ADAM22: variants seen among roughly 807,000 people sequenced by gnomAD.
ADAM22 encodes ADAM metallopeptidase domain 22.
A neutral mutation model predicts 144.6 loss-of-function variants in ADAM22; 65 were observed. The ratio of observed to expected loss-of-function variants is 0.45; its 90% CI spans 0.37 to 0.55. ADAM22 has a LOEUF of 0.55. ADAM22 is among the 20% of genes least tolerant of loss of function. ADAM22 has a pLI of 0.00. For synonymous variants in ADAM22, 391 were observed against 412.6 expected (o/e 0.95, Z 0.63); for missense variants, 974 against 1,184.9 (o/e 0.82, Z 2.61).
rs1375827577 is a variant in ADAM22, at chr7:88,156,009, A to G, written c.1907+3A>G. The G allele has an allele frequency of 6.2e-7, 1 of 1,612,678 alleles. No individual in the cohort carries two copies. Among genetic ancestry groups the G allele is most frequent in the African/African-American group, 1.3e-5 (1 of 74,978 alleles). Reference sequence around the variant, plus strand: ...CAAGGAAGAACATTAAACTGCAGGTAATTATCTAACCATTCTGTAAGAATC... The same window carrying G: ...CAAGGAAGAACATTAAACTGCAGGTGATTATCTAACCATTCTGTAAGAATC... On this transcript the variant is annotated splice_donor_region_variant and intron_variant, in intron 22 of 31. Coordinates refer to ENST00000413139, the MANE Select transcript of ADAM22 (RefSeq NM_001324418.2).
intron 3 of ADAM22, among the ~76,000 whole-genome samples, chr7:88,039,582 T>A (rs1802583520): frequency 6.8e-6 from 1 of 147,182 alleles, no homozygotes; most frequent in Admixed American, 6.9e-5. Flanking sequence ...AATATAATTA[T>A]GGTTGAAATG....
intron 2 of ADAM22, among the ~76,000 whole-genome samples, chr7:87,939,708 A>G (rs1199161102): frequency 6.6e-6 from 1 of 152,200 alleles, no homozygotes; most frequent in Non-Finnish European, 1.5e-5. Context: ...CTGCTTGAGT[A>G]CTATTTAGAT....
chr7:88,084,814 G>A (rs931763819), intron 4 of ADAM22, among the ~76,000 whole-genome samples: 3 of 152,182 alleles, frequency 2.0e-5, no homozygotes, highest in African/African-American at 7.2e-5. Flanking sequence ...CAGACTGGGT[G>A]GCTTAAACAA....
chr7:88,178,728 A>G (rs1213158689), intron 26 of ADAM22, among the ~76,000 whole-genome samples: 4 of 152,166 alleles, frequency 2.6e-5, no homozygotes, highest in Non-Finnish European at 4.4e-5. Context: ...TCCAAATGAT[A>G]AAAGACTTTT....
chr7:88,002,571 G>T (rs1374034731), intron 3 of ADAM22, among the ~76,000 whole-genome samples: 1 of 152,148 alleles, frequency 6.6e-6, no homozygotes, highest in East Asian at 1.9e-4. Flanking sequence ...ATGTTTAATG[G>T]CTTAAAAGGA....
intron 4 of ADAM22, among the ~76,000 whole-genome samples, chr7:88,090,309 G>C (rs1819522068): frequency 6.6e-6 from 1 of 152,186 alleles, no homozygotes; most frequent in Admixed American, 6.5e-5. Flanking sequence ...TGAGCATGCA[G>C]GTACCTCACA....
chr7:88,107,571 C>T (rs1824773404), intron 4 of ADAM22, among the ~76,000 whole-genome samples: 2 of 151,846 alleles, frequency 1.3e-5, no homozygotes, highest in South Asian at 4.2e-4. Flanking sequence ...TATGTATTTC[C>T]TTTCTTTTCT....
chr7:88,018,465 G>A lies in ADAM22; in HGVS notation c.323+40053G>A, dbSNP rs533622324. Among the ~76,000 whole-genome samples the A allele has an allele frequency of 4.6e-5, 7 of 152,192 alleles. No homozygotes were observed. In the South Asian group the frequency reaches 1.5e-3, roughly 32 times the overall value. On this transcript the variant is annotated intron_variant, in intron 3 of 31. Transcript: ENST00000413139. ...TTTCCCCCATTACTGTTCTACCAAA[G>A]TAGCATTTCACACTGAGTAGAGCAG...
intron 4 of ADAM22, among the ~76,000 whole-genome samples, chr7:88,093,794 C>T (rs1248791982): frequency 6.6e-6 from 1 of 152,140 alleles, no homozygotes; most frequent in Non-Finnish European, 1.5e-5. Flanking sequence ...CTGCCTCAGT[C>T]TCCCAAAGTG....
chr7:88,033,221 C>A (rs972771927), intron 3 of ADAM22, among the ~76,000 whole-genome samples: 8 of 152,216 alleles, frequency 5.3e-5, no homozygotes, highest in African/African-American at 1.9e-4. Context: ...TTGTGATATA[C>A]ATTTTTGGTT....
intron 2 of ADAM22, among the ~76,000 whole-genome samples, chr7:87,961,891 A>G (rs1306506076): frequency 6.6e-6 from 1 of 152,262 alleles, no homozygotes; most frequent in African/African-American, 2.4e-5. Flanking sequence ...CAGGTTCAAC[A>G]ATCATTTTTC....
chr7:88,021,982 C>A (rs1797931404), intron 3 of ADAM22, among the ~76,000 whole-genome samples: 1 of 152,006 alleles, frequency 6.6e-6, no homozygotes, highest in Non-Finnish European at 1.5e-5. Context: ...AAGTGATCCT[C>A]CCATTTCCGC....
intron 3 of ADAM22, among the ~76,000 whole-genome samples, chr7:88,058,037 A>G (rs925735188): frequency 1.2e-4 from 19 of 152,234 alleles, no homozygotes; most frequent in African/African-American, 4.1e-4. Flanking sequence ...TCTTGCATAT[A>G]TCTTTGCTCC....
chr7:88,181,470 A>G (rs1278420800), intron 27 of ADAM22, 35 bp from the exon 28 acceptor site: 1 of 1,580,084 alleles, frequency 6.3e-7, no homozygotes, highest in East Asian at 2.2e-5. Flanking sequence ...ATTTGGTTAC[A>G]TTTTTGAACA....
At chr7:88,020,149 C>T (rs1343676953) in intron 3 of ADAM22, among the ~76,000 whole-genome samples, 4 of 152,124 alleles carry the variant, frequency 2.6e-5, no homozygotes, top group South Asian at 2.1e-4. Flanking sequence ...ATATTGGTAT[C>T]GTGGTGTTAA....
chr7:88,113,233 C>A (rs1247037312), intron 5 of ADAM22, among the ~76,000 whole-genome samples: 1 of 143,628 alleles, frequency 7.0e-6, no homozygotes, highest in Non-Finnish European at 1.5e-5. Context: ...AACTTGGAGT[C>A]TTCACTAACT....
At chr7:88,184,789 ACT>A (rs1847912200) in intron 29 of ADAM22, among the ~76,000 whole-genome samples, 1 of 151,982 alleles carries the variant, frequency 6.6e-6, no homozygotes, top group Admixed American at 6.6e-5. Flanking sequence ...TCAGTGAAGA[ACT>A]CTCTGGTGAA....
chr7:88,176,013 C>T (rs1278161262), intron 26 of ADAM22, among the ~76,000 whole-genome samples: 1 of 152,122 alleles, frequency 6.6e-6, no homozygotes, highest in East Asian at 1.9e-4. Flanking sequence ...CGCTCTGTCA[C>T]CCAAGCTGGA....
chr7:88,002,118 C>A (rs1026917193), intron 3 of ADAM22, among the ~76,000 whole-genome samples: 7 of 152,106 alleles, frequency 4.6e-5, no homozygotes, highest in Non-Finnish European at 8.8e-5. Context: ...AAATTTAACT[C>A]AAATTTGCAA....
Sources: allele counts gnomAD v4.1 joint callset (sites outside exome capture counted in the v4.1 genomes callset), GRCh38; gene constraint gnomAD v4.1.1; transcripts MANE v1.5; gene names NCBI Gene and HGNC (gene_info 2026-07-23, HGNC 2026-07-21).